MRC2: variants seen among roughly 807,000 people sequenced by gnomAD.
MRC2 encodes C-type mannose receptor 2.
Under a neutral mutation model 206.2 loss-of-function variants are expected in MRC2, and 84 were observed. The ratio of observed to expected loss-of-function variants is 0.41; its 90% CI spans 0.34 to 0.49. The LOEUF (loss-of-function observed/expected upper bound fraction) is 0.49, where lower values mean the gene tolerates loss of function less well. Among genes scored for constraint, MRC2 ranks in the 20% least tolerant of loss-of-function variants. The probability of loss-of-function intolerance (pLI) is 0.31; values close to 1 mark genes in which losing one functional copy is unlikely to be tolerated. For missense variants in MRC2, 1,676 were observed against 2,001.5 expected, an observed-to-expected ratio of 0.84 and a Z score of 3.10; for synonymous variants, 798 against 800.0, an observed-to-expected ratio of 1.00 and a Z score of 0.04.
chr17:62,631,512 T>C (rs2084215789), intron 1 of MRC2, among the ~76,000 whole-genome samples: 1 of 151,708 alleles, frequency 6.6e-6, no homozygotes, highest in Non-Finnish European at 1.5e-5. Context: ...GCACTGTCAG[T>C]GTGTGTGTGT....
Position 62,689,611 on chromosome 17 carries a change from A to T in MRC2, c.3424A>T (p.Lys1142Ter). 6.2e-7 allele frequency: 1 copy of T among 1,603,864 alleles called. No homozygotes were observed. Among genetic ancestry groups the T allele is most frequent in the Non-Finnish European group, 8.5e-7 (1 of 1,175,674 alleles). Residue 1142 changes from lysine (K) to a stop codon, truncating the protein, a stop_gained, in exon 24 of 30, where the codon AAG becomes TAG. Transcript: ENST00000303375. LOFTEE classifies it high-confidence loss of function. ...YLNGTFRLLQKPLRWHDALLL... is the reference protein window; with the variant it reads ...YLNGTFRLLQ ...CAACGGCACCTTCCGGCTGCTTCAG[A>T]AGCCGCTGCGCTGGCACGATGCCCT... is the stretch of plus-strand genomic sequence containing the variant.
chr17:62,688,735 A>G (rs2089063498), intron 22 of MRC2, 71 bp downstream of exon 22: 1 of 1,593,616 alleles, frequency 6.3e-7, no homozygotes, highest in Non-Finnish European at 8.6e-7. Context: ...TTGCCCCAGC[A>G]TCTCTTGCCC....
rs753217998 is a variant in MRC2, at chr17:62,667,517, C to G, written c.1101C>G (p.Ala367=). 5 of 1,610,518 alleles carry G rather than the reference C, an allele frequency of 3.1e-6. No homozygotes were observed. Among genetic ancestry groups the G allele is most frequent in the African/African-American group, 1.3e-5 (1 of 74,802 alleles). Reference sequence around the variant, plus strand: ...GCAAGAAGAAGCCCAACGCCACGGCCGAGCCCACCCCTCCAGGTGAGCCAG... The same window carrying G: ...GCAAGAAGAAGCCCAACGCCACGGCGGAGCCCACCCCTCCAGGTGAGCCAG... The part of the protein sequence containing the change: ...YVCKKKPNAT[A]EPTPPDRWAN... Residue 367 remains alanine, a synonymous_variant, in exon 6 of 30, where the codon GCC becomes GCG. Coordinates refer to ENST00000303375, the MANE Select transcript of MRC2 (RefSeq NM_006039.5). The surrounding 1 kb of genome is among the most constrained non-coding windows in gnomAD (Gnocchi z 4.1).
chr17:62,634,830 C>CTTT (rs773204542), intron 1 of MRC2, among the ~76,000 whole-genome samples: 1 of 140,558 alleles, frequency 7.1e-6, no homozygotes, highest in Non-Finnish European at 1.6e-5. Flanking sequence ...TCTGATACAA[C>CTTT]TTTTTTTTTT....
chr17:62,633,058 C>T (rs2088265657), intron 1 of MRC2, among the ~76,000 whole-genome samples: 1 of 152,044 alleles, frequency 6.6e-6, no homozygotes, highest in Non-Finnish European at 1.5e-5. Context: ...CAAGTGTCTT[C>T]ATTTATAAGA....
Position 62,680,083 on chromosome 17 carries a change from C to T in MRC2, c.2299-87C>T. The T allele has an allele frequency of 6.3e-7, 1 of 1,583,780 alleles. No individual in the cohort carries two copies. Among genetic ancestry groups the T allele is most frequent in the East Asian group, 2.2e-5 (1 of 44,632 alleles). ...CCCCGGTGAGAATTCGCAGCTCAGGCCAGGCCTCTTGTTCACCTGTTCCGG... is the reference window on the plus strand; with the variant it reads ...CCCCGGTGAGAATTCGCAGCTCAGGTCAGGCCTCTTGTTCACCTGTTCCGG... On this transcript the variant is annotated intron_variant, in intron 14 of 29. Coordinates refer to ENST00000303375, the MANE Select transcript of MRC2 (RefSeq NM_006039.5). The surrounding 1 kb of genome is among the most constrained non-coding windows in gnomAD (Gnocchi z 4.8).
intron 1 of MRC2, among the ~76,000 whole-genome samples, chr17:62,636,455 C>T (rs2088319913): frequency 1.4e-5 from 2 of 142,706 alleles, no homozygotes; most frequent in Admixed American, 1.5e-4. Flanking sequence ...ATTGGGTAAT[C>T]TTCTGATTTT....
chr17:62,689,831 C>A, intron 24 of MRC2, 63 bp from the exon 25 acceptor site: 1 of 1,543,770 alleles, frequency 6.5e-7, no homozygotes, highest in Non-Finnish European at 8.7e-7. Context: ...TTCCTGCCCC[C>A]GCCTTATCCG....
Position 62,664,504 on chromosome 17 carries a change from AG to A in MRC2, c.119-42del. ...CCACACCGGTCATCAAGGGCCAACC[AG>A]GAGAGCCCCTGTGATGCCTTCGTGT... On this transcript the variant is annotated intron_variant, in intron 1 of 29. Coordinates refer to ENST00000303375, the MANE Select transcript of MRC2 (RefSeq NM_006039.5). This position sits in a 1 kb window ranked among gnomAD's most constrained non-coding sequence, Gnocchi z 4.7. 2 of 1,564,408 alleles carry A rather than the reference AG, an allele frequency of 1.3e-6. No individual in the cohort carries two copies. Among genetic ancestry groups the A allele is most frequent in the Non-Finnish European group, 1.7e-6 (2 of 1,156,106 alleles).
At chr17:62,688,800 T>C in intron 22 of MRC2, 52 bp from the exon 23 acceptor site, 1 of 1,584,676 alleles carries the variant, frequency 6.3e-7, no homozygotes, top group Non-Finnish European at 8.6e-7. Flanking sequence ...CTGGGGACAG[T>C]AGCACAGGGA....
At position 62,643,694 on chromosome 17, in the gene MRC2, C is replaced by T. The variant is rs529988182; in HGVS notation, c.118+15774C>T. Among the ~76,000 whole-genome samples the T allele has an allele frequency of 2.3e-4, 35 of 152,284 alleles. 1 individual carries two copies. The highest frequency in any genetic ancestry group is 8.4e-4 in the African/African-American group (35 of 41,554). On this transcript the variant is annotated intron_variant, in intron 1 of 29. Coordinates refer to ENST00000303375, the MANE Select transcript of MRC2 (RefSeq NM_006039.5). Reference sequence around the variant, plus strand: ...TTTAAAATCACTAGCAAAACAATTTCACCTCTCGCAACAGTGCCAGGAAAG... The same window carrying T: ...TTTAAAATCACTAGCAAAACAATTTTACCTCTCGCAACAGTGCCAGGAAAG...
At chr17:62,681,589 C>T (rs1157733390) in intron 18 of MRC2, 1 of 510,342 alleles carries the variant, frequency 2.0e-6, no homozygotes, top group Non-Finnish European at 3.4e-6. Context: ...GCTTCCTGCC[C>T]TGGAGTCCTC....
rs1326466469 is a variant in MRC2 at position 62,672,104 on chromosome 17, C to T, written c.1413C>T (p.Pro471=). Residue 471 remains proline, a synonymous_variant, in exon 8 of 30, where the codon CCC becomes CCT. Transcript: ENST00000303375. This position sits in a 1 kb window ranked among gnomAD's most constrained non-coding sequence, Gnocchi z 4.5. ...TCACCCACTGGCACCCCTTTGAGCC[C>T]AACAACTTCCGGGACAGTCTGGAGG... ...VSFTHWHPFE[P]NNFRDSLEDC... is the part of the protein sequence containing the mutation. 6.2e-7 allele frequency: 1 copy of T among 1,614,142 alleles called. No individual in the cohort carries two copies. The highest frequency in any genetic ancestry group is 1.7e-5 in the Admixed American group (1 of 60,020).
At position 62,664,849 on chromosome 17, in the gene MRC2, C is replaced by T; in HGVS notation, c.420C>T (p.Asn140=). The T allele has an allele frequency of 6.2e-7, 1 of 1,613,816 alleles. No homozygotes were observed. Residue 140 remains asparagine (N), a synonymous_variant, in exon 2 of 30, where the codon AAC becomes AAT. Transcript: ENST00000303375. This position sits in a 1 kb window ranked among gnomAD's most constrained non-coding sequence, Gnocchi z 4.7. ...LSLLLGARTS[N]ISKPGTLERG... is the part of the protein sequence containing the mutation. Reference sequence around the variant, plus strand: ...TGCTCCTGGGGGCCCGCACCAGCAACATATCCAAGCCTGGCACCCTTGAGC... The same window carrying T: ...TGCTCCTGGGGGCCCGCACCAGCAATATATCCAAGCCTGGCACCCTTGAGC...
At chr17:62,629,748 C>A (rs1349730701) in intron 1 of MRC2, among the ~76,000 whole-genome samples, 1 of 152,356 alleles carries the variant, frequency 6.6e-6, no homozygotes, top group Admixed American at 6.5e-5. Context: ...GCCCCTAGTA[C>A]CTGGTGAATT....
rs139624568 is a variant in MRC2, at chr17:62,692,709, C to T, written c.*258C>T. 1.8e-3 allele frequency: 804 copies of T among 451,826 alleles called. 6 individuals are homozygous for T. Among genetic ancestry groups the T allele is most frequent in the African/African-American group, 0.015 (748 of 51,268 alleles). The allele number at this position is 451,826 out of a possible 1,614,324, so 28.0% of individuals were successfully genotyped here. On this transcript the variant is annotated 3_prime_UTR_variant, in exon 30 of 30. Coordinates refer to ENST00000303375, the MANE Select transcript of MRC2 (RefSeq NM_006039.5). This position sits in a 1 kb window ranked among gnomAD's most constrained non-coding sequence, Gnocchi z 4.2. Reference sequence around the variant, plus strand: ...TGAGGTCTTGTCACCTGGTCCTGTGCCCCCACAGGAACCAGAGGTAGGATG... The same window carrying T: ...TGAGGTCTTGTCACCTGGTCCTGTGTCCCCACAGGAACCAGAGGTAGGATG...
chr17:62,655,740 AAAAAG>A (rs1362728028), intron 1 of MRC2, among the ~76,000 whole-genome samples: 1 of 148,828 alleles, frequency 6.7e-6, no homozygotes, highest in East Asian at 2.0e-4. Flanking sequence ...AAAAAAAAAG[AAAAAG>A]AAAAGAAAAA....
At chr17:62,690,605 A>G in intron 26 of MRC2, 37 bp from the exon 27 acceptor site, 1 of 1,549,858 alleles carries the variant, frequency 6.5e-7, no homozygotes, top group Non-Finnish European at 8.7e-7. Context: ...CCCCCCGGAG[A>G]CCCATCCGCC....
At chr17:62,691,246 G>T in intron 28 of MRC2, 118 bp downstream of exon 28, 1 of 1,215,068 alleles carries the variant, frequency 8.2e-7, no homozygotes. Flanking sequence ...GGCCTGAACA[G>T]AACGGACTGC....
Sources: allele counts gnomAD v4.1 joint callset (sites outside exome capture counted in the v4.1 genomes callset), GRCh38; gene constraint gnomAD v4.1.1; non-coding constraint Gnocchi (gnomAD v3.1); transcripts MANE v1.5; gene names NCBI Gene and HGNC (gene_info 2026-07-23, HGNC 2026-07-21).